SCHIP1: variants seen among roughly 807,000 people sequenced by gnomAD.
SCHIP1 encodes schwannomin-interacting protein 1.
SCHIP1 carries 8 observed loss-of-function variants against 29.7 expected under a neutral mutation model. The observed-to-expected ratio is 0.27, with a 90% CI of 0.16 to 0.49. The LOEUF (loss-of-function observed/expected upper bound fraction) is 0.49. Among genes scored for constraint, SCHIP1 ranks in the 20% least tolerant of loss-of-function variants. The pLI, the probability that SCHIP1 is intolerant of heterozygous loss-of-function variation, is 0.99. For missense variants in SCHIP1, 193 were observed against 294.6 expected, an observed-to-expected ratio of 0.66 and a Z score of 2.52; for synonymous variants, 76 against 94.9, an observed-to-expected ratio of 0.80 and a Z score of 1.16.
the SCHIP1 span, among the ~76,000 whole-genome samples, chr3:159,402,643 A>C: frequency 6.6e-6 from 1 of 152,196 alleles, no homozygotes; most frequent in African/African-American, 2.4e-5. Context: ...GACATGGATG[A>C]AACTGGAAAC....
chr3:159,437,403 A>AT, the SCHIP1 span, among the ~76,000 whole-genome samples: 6 of 152,018 alleles, frequency 3.9e-5, no homozygotes, highest in East Asian at 9.7e-4. Context: ...ACAACCAAGG[A>AT]TTTTTGAGTT....
chr3:159,735,347 A>G, the SCHIP1 span, among the ~76,000 whole-genome samples: 1 of 151,590 alleles, frequency 6.6e-6, no homozygotes, highest in African/African-American at 2.4e-5. Context: ...CTCCTGCCTC[A>G]GCCTCCCAAA....
At chr3:159,574,835 A>C in the SCHIP1 span, among the ~76,000 whole-genome samples, 2 of 152,158 alleles carry the variant, frequency 1.3e-5, no homozygotes, top group African/African-American at 4.8e-5. Context: ...CCCCTCCCCA[A>C]CCAGGCTGCT....
the SCHIP1 span, chr3:159,765,425 T>C: frequency 2.8e-6 from 1 of 361,378 alleles, no homozygotes; most frequent in Non-Finnish European, 4.9e-6. Flanking sequence ...GAATTACTTA[T>C]GGAGACCAGG....
the SCHIP1 span, among the ~76,000 whole-genome samples, chr3:159,509,191 CTTG>C: frequency 2.6e-5 from 4 of 152,178 alleles, no homozygotes; most frequent in Non-Finnish European, 4.4e-5. Flanking sequence ...GTTAGCTCTT[CTTG>C]TTGAATTGAT....
intron 1 of SCHIP1, among the ~76,000 whole-genome samples, chr3:159,848,147 C>T (rs568915008): frequency 3.9e-4 from 60 of 152,328 alleles, no homozygotes; most frequent in African/African-American, 1.4e-3. Flanking sequence ...ATGTGCCTTT[C>T]AATTCAGATC....
the SCHIP1 span, among the ~76,000 whole-genome samples, chr3:159,447,831 C>A: frequency 2.0e-5 from 3 of 152,294 alleles, no homozygotes; most frequent in East Asian, 5.8e-4. Flanking sequence ...TAACTCCCAA[C>A]TGTCCACAAT....
the SCHIP1 span, among the ~76,000 whole-genome samples, chr3:159,825,181 G>A: frequency 6.6e-6 from 1 of 152,134 alleles, no homozygotes; most frequent in Non-Finnish European, 1.5e-5. Context: ...GTGACAAATT[G>A]AGAAAAGGAA....
chr3:159,810,721 A>G, the SCHIP1 span, among the ~76,000 whole-genome samples: 3 of 152,334 alleles, frequency 2.0e-5, no homozygotes, highest in South Asian at 2.1e-4. Context: ...GTTGATGGAC[A>G]TGTGGATTGT....
At chr3:159,305,610 GGA>G in the SCHIP1 span, among the ~76,000 whole-genome samples, 2 of 152,102 alleles carry the variant, frequency 1.3e-5, no homozygotes, top group African/African-American at 2.4e-5. Flanking sequence ...CTTTCAACAT[GGA>G]GATACACTTA....
At chr3:159,434,447 T>C in the SCHIP1 span, among the ~76,000 whole-genome samples, 6 of 152,062 alleles carry the variant, frequency 3.9e-5, no homozygotes, top group African/African-American at 1.4e-4. Flanking sequence ...AAGTCTGGTG[T>C]TAGATGGTTC....
chr3:159,455,981 C>T, the SCHIP1 span, among the ~76,000 whole-genome samples: 4 of 152,210 alleles, frequency 2.6e-5, no homozygotes, highest in African/African-American at 9.6e-5. Flanking sequence ...CAGGTTGTAT[C>T]TGCACTGAAG....
chr3:159,397,635 G>C, the SCHIP1 span, among the ~76,000 whole-genome samples: 1 of 152,214 alleles, frequency 6.6e-6, no homozygotes, highest in South Asian at 2.1e-4. Flanking sequence ...GGCTGCTTGG[G>C]GGTCAGGGGT....
the SCHIP1 span, among the ~76,000 whole-genome samples, chr3:159,421,447 G>C: frequency 6.6e-6 from 1 of 152,152 alleles, no homozygotes; most frequent in Non-Finnish European, 1.5e-5. Flanking sequence ...TCCGTATCTG[G>C]ATCTGTGGCT....
the SCHIP1 span, among the ~76,000 whole-genome samples, chr3:159,471,080 G>A: frequency 6.6e-6 from 1 of 151,900 alleles, no homozygotes; most frequent in South Asian, 2.1e-4. Context: ...ATTTATAGAA[G>A]GGTAAATTTT....
At chr3:159,820,494 A>C in the SCHIP1 span, among the ~76,000 whole-genome samples, 3 of 152,154 alleles carry the variant, frequency 2.0e-5, no homozygotes, top group East Asian at 5.8e-4. Context: ...TTTTCAAATG[A>C]GTTTATCAAT....
the SCHIP1 span, among the ~76,000 whole-genome samples, chr3:159,743,027 T>C: frequency 1.3e-5 from 2 of 152,150 alleles, no homozygotes; most frequent in South Asian, 4.2e-4. Context: ...TCAAGTGCAT[T>C]CCTCCTAAAA....
the SCHIP1 span, among the ~76,000 whole-genome samples, chr3:159,430,786 G>A: frequency 6.6e-6 from 1 of 152,124 alleles, no homozygotes; most frequent in African/African-American, 2.4e-5. Context: ...GAGATAGAGC[G>A]GGCAAGTGGT....
At chr3:159,285,129 TG>T in the SCHIP1 span, among the ~76,000 whole-genome samples, 15 of 152,296 alleles carry the variant, frequency 9.8e-5, no homozygotes, top group Admixed American at 9.8e-4. Context: ...ATTTTTACTT[TG>T]GGGTATTTGT....
Sources: allele counts gnomAD v4.1 joint callset (sites outside exome capture counted in the v4.1 genomes callset), GRCh38; gene constraint gnomAD v4.1.1; transcripts MANE v1.5; gene names NCBI Gene and HGNC (gene_info 2026-07-23, HGNC 2026-07-21).